The following UAP1 variants were observed in gnomAD, a reference collection of about 807,000 sequenced individuals.
The protein encoded by UAP1 is UDP-N-acetylglucosamine pyrophosphorylase 1.
A neutral mutation model predicts 58.5 loss-of-function variants in UAP1; 25 were observed. The ratio of observed to expected loss-of-function variants is 0.43; its 90% CI spans 0.31 to 0.60. UAP1 has a LOEUF of 0.60. Among genes scored for constraint, UAP1 ranks in the 20% least tolerant of loss-of-function variants. The pLI is 0.11. For synonymous variants in UAP1, 208 were observed against 213.0 expected (o/e 0.98, Z 0.21); for missense variants, 575 against 630.0 (o/e 0.91, Z 0.93).
intron 2 of UAP1, among the ~76,000 whole-genome samples, chr1:162,569,638 C>T (rs1256832009): frequency 6.6e-6 from 1 of 152,134 alleles, no homozygotes; most frequent in Non-Finnish European, 1.5e-5. Context: ...TATTTGAACA[C>T]AGATCTACCA....
At chr1:162,582,457 T>C (rs777452688) in intron 5 of UAP1, among the ~76,000 whole-genome samples, 1 of 152,200 alleles carries the variant, frequency 6.6e-6, no homozygotes, top group Non-Finnish European at 1.5e-5. Flanking sequence ...CAGAAACACA[T>C]CTGTGTATGT....
At chr1:162,566,148 A>G (rs1339968742) in exon 2 of UAP1, 4 of 1,613,724 alleles carry the variant, frequency 2.5e-6, no homozygotes, top group Non-Finnish European at 3.4e-6. Flanking sequence ...GAGCTTGAAG[A>G]AGCCCAACAG....
At chr1:162,592,596 C>T in intron 8 of UAP1, 136 bp from the exon 9 acceptor site, 2 of 653,184 alleles carry the variant, frequency 3.1e-6, no homozygotes, top group Non-Finnish European at 5.4e-6. Flanking sequence ...TTTTTTACCC[C>T]CTTTTGGTCT....
At chr1:162,566,638 T>G (rs1653528146) in intron 2 of UAP1, among the ~76,000 whole-genome samples, 1 of 152,116 alleles carries the variant, frequency 6.6e-6, no homozygotes, top group Middle Eastern at 3.2e-3. Context: ...TAATTTTTTT[T>G]TTTTTTAAGA....
chr1:162,585,738 G>A (rs2101806039), intron 5 of UAP1, among the ~76,000 whole-genome samples: 1 of 151,966 alleles, frequency 6.6e-6, no homozygotes, highest in Admixed American at 6.6e-5. Context: ...TGGCTGGTTG[G>A]GAGTAGGAGT....
intron 10 of UAP1, 84 bp from the exon 11 acceptor site, chr1:162,599,187 C>A: frequency 1.2e-6 from 1 of 801,568 alleles, no homozygotes; most frequent in Non-Finnish European, 2.0e-6. Context: ...GGCATTTGTG[C>A]TTTAAATCAT....
downstream of UAP1, among the ~76,000 whole-genome samples, chr1:162,600,906 A>G (rs896291309): frequency 6.6e-6 from 1 of 152,216 alleles, no homozygotes; most frequent in African/African-American, 2.4e-5. Context: ...TACTAATGGT[A>G]TGATCCGTTT....
intron 7 of UAP1, among the ~76,000 whole-genome samples, chr1:162,589,697 G>A (rs1189937450): frequency 2.0e-5 from 3 of 152,038 alleles, no homozygotes; most frequent in African/African-American, 4.8e-5. Flanking sequence ...AAATTAATGC[G>A]TGGTGGCTCA....
intron 10 of UAP1, among the ~76,000 whole-genome samples, chr1:162,598,243 T>A (rs1369682010): frequency 6.6e-6 from 1 of 152,132 alleles, no homozygotes; most frequent in African/African-American, 2.4e-5. Flanking sequence ...AAAACTTTTT[T>A]AAAAAGTAGA....
At chr1:162,578,185 C>T (rs1338835451) in intron 3 of UAP1, among the ~76,000 whole-genome samples, 1 of 152,102 alleles carries the variant, frequency 6.6e-6, no homozygotes, top group Non-Finnish European at 1.5e-5. Context: ...TCCCCCAAGT[C>T]CCTATCTTGT....
At chr1:162,579,482 G>T in exon 4 of UAP1, 1 of 1,610,036 alleles carries the variant, frequency 6.2e-7, no homozygotes, top group African/African-American at 1.3e-5. Context: ...TCTTCACCAA[G>T]CACAAGTACT....
At chr1:162,587,488 C>T (rs767862322) in exon 6 of UAP1, 19 of 1,606,886 alleles carry the variant, frequency 1.2e-5, no homozygotes, top group Non-Finnish European at 1.4e-5. Context: ...GTAGAGAAAA[C>T]GAACCCTACA....
rs1201899348 is a variant in UAP1 at position 162,566,352 on chromosome 1, C to G, written c.280+4C>G. 2.5e-6 allele frequency: 4 copies of G among 1,611,150 alleles called. No individual in the cohort carries two copies. Among genetic ancestry groups the G allele is most frequent in the Non-Finnish European group, 1.7e-6 (2 of 1,178,586 alleles). On this transcript the variant is annotated splice_donor_region_variant and intron_variant, in intron 2 of 10. Coordinates refer to ENST00000271469, the Ensembl canonical transcript of UAP1. Reference sequence around the variant, plus strand: ...CTCCAGGCCTGGGAAAGTGAAGGTACTGGGCATGTACATATTTCTTACTGA... The same window carrying G: ...CTCCAGGCCTGGGAAAGTGAAGGTAGTGGGCATGTACATATTTCTTACTGA...
At chr1:162,578,098 C>T (rs1654322324) in intron 3 of UAP1, among the ~76,000 whole-genome samples, 1 of 152,078 alleles carries the variant, frequency 6.6e-6, no homozygotes, top group Admixed American at 6.6e-5. Flanking sequence ...GTTTTTGGTT[C>T]AGCTCTTTAG....
intron 2 of UAP1, among the ~76,000 whole-genome samples, chr1:162,572,965 A>T (rs76146662): frequency 6.6e-6 from 1 of 152,234 alleles, no homozygotes; most frequent in Non-Finnish European, 1.5e-5. Flanking sequence ...TTGTGGACTC[A>T]TATTTTAAAA....
In UAP1 at chr1:162,563,789, C is replaced by G. The variant is rs371945967; in HGVS notation, c.-58+2012C>G. 9.2e-5 allele frequency among the ~76,000 whole-genome samples: 14 copies of G among 152,212 alleles called. No individual in the cohort carries two copies. In the East Asian group the frequency reaches 1.5e-3, roughly 17 times the overall value. ...GTTATAGTAATATGTTTGTGTATGC[C>G]TTTTATCAGACAGAGCACTCTTTAC... On this transcript the variant is annotated intron_variant, in intron 1 of 10. Transcript: ENST00000271469.
intron 5 of UAP1, among the ~76,000 whole-genome samples, chr1:162,582,756 A>G (rs1368107855): frequency 6.6e-6 from 1 of 152,226 alleles, no homozygotes; most frequent in South Asian, 2.1e-4. Context: ...AAATATCTGT[A>G]TTTAAAAAGA....
intron 5 of UAP1, among the ~76,000 whole-genome samples, chr1:162,581,706 G>T (rs931284305): frequency 6.6e-6 from 1 of 152,078 alleles, no homozygotes; most frequent in African/African-American, 2.4e-5. Context: ...TAAGTACTTC[G>T]GAAAGTGGTC....
chr1:162,570,562 G>T (rs751573998), intron 2 of UAP1, among the ~76,000 whole-genome samples: 1 of 151,706 alleles, frequency 6.6e-6, no homozygotes, highest in African/African-American at 2.4e-5. Flanking sequence ...TAAATATATG[G>T]GTGTTTTCTT....
Sources: allele counts gnomAD v4.1 joint callset (sites outside exome capture counted in the v4.1 genomes callset), GRCh38; gene constraint gnomAD v4.1.1; transcripts MANE v1.5; gene names NCBI Gene and HGNC (gene_info 2026-07-23, HGNC 2026-07-21).